ANO10: variants seen among roughly 807,000 people sequenced by gnomAD.
ANO10 encodes the protein anoctamin 10, also known as anoctamin-10.
Under a neutral mutation model 74.7 loss-of-function variants are expected in ANO10, and 77 were observed. The observed-to-expected ratio is 1.03, with a 90% CI of 0.86 to 1.25. ANO10 has a LOEUF of 1.25. ANO10 is among the 50% of genes most tolerant of loss of function. The pLI is 0.00. For synonymous variants in ANO10, 279 were observed against 284.9 expected (o/e 0.98, Z 0.21); for missense variants, 721 against 778.1 (o/e 0.93, Z 0.87).
At chr3:43,561,632 C>G (rs1479910252) in intron 8 of ANO10, among the ~76,000 whole-genome samples, 3 of 151,472 alleles carry the variant, frequency 2.0e-5, no homozygotes, top group Admixed American at 1.3e-4. Flanking sequence ...CATGAAAGAC[C>G]AAGATTAAAA....
chr3:43,492,063 C>T (rs2076743440), intron 11 of ANO10, among the ~76,000 whole-genome samples: 1 of 152,032 alleles, frequency 6.6e-6, no homozygotes, highest in Non-Finnish European at 1.5e-5. Flanking sequence ...TGGGGAGAAA[C>T]CGAGCAGAAA....
intron 1 of ANO10, among the ~76,000 whole-genome samples, chr3:43,688,979 G>A (rs1325909924): frequency 4.6e-5 from 7 of 152,172 alleles, no homozygotes; most frequent in East Asian, 1.9e-4. Context: ...ATTTACTCAC[G>A]GCAGAGGGCA....
At chr3:43,498,040 A>G (rs2076974980) in intron 11 of ANO10, among the ~76,000 whole-genome samples, 1 of 152,232 alleles carries the variant, frequency 6.6e-6, no homozygotes, top group African/African-American at 2.4e-5. Context: ...ATCAGAATAA[A>G]TTCTCAGCTG....
intron 5 of ANO10, among the ~76,000 whole-genome samples, chr3:43,578,193 C>T (rs1462208459): frequency 6.6e-6 from 1 of 152,144 alleles, no homozygotes; most frequent in Non-Finnish European, 1.5e-5. Flanking sequence ...TCCCCCTAAC[C>T]CAAGAGCAAA....
rs9877980 is a variant in ANO10 at position 43,680,812 on chromosome 3, C to T, written c.-12+10705G>A. Reference sequence around the variant, plus strand: ...TAAAAGAATTTTCAACCCAATATTTCATATCCAGCCAAACTAAGCTTCATA... The same window carrying T: ...TAAAAGAATTTTCAACCCAATATTTTATATCCAGCCAAACTAAGCTTCATA... On this transcript the variant is annotated intron_variant, in intron 1 of 3. Coordinates refer to the ANO10 transcript ENST00000413397. 7.7e-3 allele frequency among the ~76,000 whole-genome samples: 1,172 copies of T among 152,292 alleles called. 16 individuals carry two copies. The highest frequency in any genetic ancestry group is 0.025 in the African/African-American group (1,051 of 41,568).
chr3:43,389,050 G>C (rs978558065), intron 12 of ANO10, among the ~76,000 whole-genome samples: 1 of 152,222 alleles, frequency 6.6e-6, no homozygotes, highest in African/African-American at 2.4e-5. Flanking sequence ...GGAGATCACA[G>C]TCACAGATTA....
At chr3:43,672,620 G>GT (rs1434725876) in intron 1 of ANO10, among the ~76,000 whole-genome samples, 3 of 152,050 alleles carry the variant, frequency 2.0e-5, no homozygotes, top group African/African-American at 7.2e-5. Context: ...TAATAAACAG[G>GT]TCTCTATCTT....
At chr3:43,439,507 T>C (rs960585703) in intron 11 of ANO10, among the ~76,000 whole-genome samples, 24 of 151,592 alleles carry the variant, frequency 1.6e-4, no homozygotes, top group Non-Finnish European at 5.9e-5. Context: ...AATGCAATGG[T>C]GGTATATAAA....
intron 11 of ANO10, among the ~76,000 whole-genome samples, chr3:43,467,849 G>C (rs1156326382): frequency 6.6e-6 from 1 of 152,192 alleles, no homozygotes; most frequent in East Asian, 1.9e-4. Context: ...ATGTCAGACA[G>C]AGAGATTCAC....
intron 1 of ANO10, among the ~76,000 whole-genome samples, chr3:43,676,701 C>G (rs185011808): frequency 1.2e-4 from 19 of 152,154 alleles, no homozygotes; most frequent in Admixed American, 1.2e-3. Context: ...AATGTTACCA[C>G]AAGGGGAAGT....
rs1008754780 is a variant in ANO10, at chr3:43,583,238, GT to G, written c.473-2767del. Among the ~76,000 whole-genome samples the G allele has an allele frequency of 4.5e-3, 654 of 145,124 alleles. 1 individual carries two copies. Among genetic ancestry groups the G allele is most frequent in the African/African-American group, 0.014 (555 of 39,872 alleles). On this transcript the variant is annotated intron_variant, in intron 4 of 12. Transcript: ENST00000292246. ...TCTAAAAATAGAAGTTTGCTTTTTG[GT>G]TTTTTTTTTTTAATCCTTCAAACTT...
At chr3:43,409,212 G>A (rs1345949149) in intron 12 of ANO10, among the ~76,000 whole-genome samples, 1 of 152,108 alleles carries the variant, frequency 6.6e-6, no homozygotes, top group African/African-American at 2.4e-5. Flanking sequence ...TCATGGAGCA[G>A]AAATGAAAAT....
chr3:43,512,673 C>T lies in ANO10; in HGVS notation c.1797+37047G>A, dbSNP rs117196780. Among the ~76,000 whole-genome samples the T allele has an allele frequency of 1.1e-3, 160 of 152,208 alleles. No individual in the cohort carries two copies. In the East Asian group the frequency reaches 0.028, roughly 27 times the overall value. On this transcript the variant is annotated intron_variant, in intron 11 of 12. Transcript: ENST00000292246. Reference sequence around the variant, plus strand: ...GCCTTAGCAACTATAAAGATGAAGTCACTAATTATAGAAATTGAAAAAAAT... The same window carrying T: ...GCCTTAGCAACTATAAAGATGAAGTTACTAATTATAGAAATTGAAAAAAAT...
chr3:43,627,412 T>C (rs1202944357), intron 1 of ANO10, among the ~76,000 whole-genome samples: 13 of 152,256 alleles, frequency 8.5e-5, no homozygotes, highest in Non-Finnish European at 8.8e-5. Context: ...AGGCTAGGCC[T>C]GGCACCAAGG....
intron 1 of ANO10, among the ~76,000 whole-genome samples, chr3:43,655,588 T>C (rs571222102): frequency 3.3e-4 from 50 of 152,354 alleles, no homozygotes; most frequent in Non-Finnish European, 6.5e-4. Context: ...TGGTCTGTTT[T>C]GACAGGGTGC....
At chr3:43,514,751 A>G (rs535227339) in intron 11 of ANO10, among the ~76,000 whole-genome samples, 52 of 152,350 alleles carry the variant, frequency 3.4e-4, no homozygotes, top group Non-Finnish European at 6.3e-4. Flanking sequence ...CAATAAATTT[A>G]AAAGTACTCA....
chr3:43,625,171 G>A (rs1022728487), upstream of ANO10, among the ~76,000 whole-genome samples: 6 of 152,158 alleles, frequency 3.9e-5, no homozygotes, highest in Non-Finnish European at 8.8e-5. Context: ...CAGGGAAACG[G>A]AGGGAGAGAA....
intron 11 of ANO10, among the ~76,000 whole-genome samples, chr3:43,453,534 T>C (rs1296448777): frequency 6.6e-6 from 1 of 152,194 alleles, no homozygotes; most frequent in Non-Finnish European, 1.5e-5. Flanking sequence ...AGAACCACTG[T>C]TTAATTCAAA....
chr3:43,498,448 C>T (rs563557734), intron 11 of ANO10, among the ~76,000 whole-genome samples: 52 of 152,296 alleles, frequency 3.4e-4, no homozygotes, highest in Non-Finnish European at 6.3e-4. Context: ...GGCAGTGTTA[C>T]CTACCAATTG....
Sources: allele counts gnomAD v4.1 joint callset (sites outside exome capture counted in the v4.1 genomes callset), GRCh38; gene constraint gnomAD v4.1.1; transcripts MANE v1.5; gene names NCBI Gene and HGNC (gene_info 2026-07-23, HGNC 2026-07-21).